PRICKLE2: variants seen among roughly 807,000 people sequenced by gnomAD.
PRICKLE2 encodes prickle planar cell polarity protein 2, also known as prickle-like protein 2.
In PRICKLE2, 21 loss-of-function variants were observed where a neutral mutation model predicts 81.4. The ratio of observed to expected loss-of-function variants is 0.26; its 90% confidence interval spans 0.18 to 0.37. PRICKLE2 has a LOEUF of 0.37. Among genes scored for constraint, PRICKLE2 ranks in the 10% least tolerant of loss-of-function variants. PRICKLE2 has a pLI of 1.00. For synonymous variants in PRICKLE2, 456 were observed against 421.5 expected, an observed-to-expected ratio of 1.08 and a Z score of -1.00; for missense variants, 940 against 1,109.0, an observed-to-expected ratio of 0.85 and a Z score of 2.16.
intron 1 of PRICKLE2, chr3:64,199,672 C>G (rs1361362280): frequency 2.0e-5 from 3 of 152,070 alleles, no homozygotes; most frequent in East Asian, 3.9e-4. Context: ...AAGGTAGCAG[C>G]CAAAGATAAA....
Position 64,147,765 on chromosome 3 carries a change from A to T in PRICKLE2, c.788-63T>A. 1.9e-6 allele frequency: 3 copies of T among 1,571,954 alleles called. No individual in the cohort carries two copies. Among genetic ancestry groups the T allele is most frequent in the Non-Finnish European group, 1.7e-6 (2 of 1,143,428 alleles). ...GCTCAGAGCTCTGCACTGGGACGTG[A>T]AACACATAGCACCTTGGTTTGTCTC... On this transcript the variant is annotated intron_variant, in intron 6 of 7. Coordinates refer to ENST00000638394, the MANE Select transcript of PRICKLE2 (RefSeq NM_198859.4). This position sits in a 1 kb window ranked among gnomAD's most constrained non-coding sequence, Gnocchi z 5.0.
intron 1 of PRICKLE2, among the ~76,000 whole-genome samples, chr3:64,218,770 G>T (rs78830800): frequency 0.033 from 5,001 of 152,252 alleles, 304 homozygotes; most frequent in African/African-American, 0.11. Context: ...TCTGAATTTA[G>T]TCAAATTTTC....
chr3:64,246,168 G>A (rs148746457), intron 2 of PRICKLE2, among the ~76,000 whole-genome samples: 2 of 152,242 alleles, frequency 1.3e-5, no homozygotes, highest in African/African-American at 4.8e-5. Flanking sequence ...CTTGAACCTG[G>A]GAGGCAGAGG....
At chr3:64,260,247 G>T (rs1479025675) in intron 2 of PRICKLE2, among the ~76,000 whole-genome samples, 1 of 152,080 alleles carries the variant, frequency 6.6e-6, no homozygotes, top group African/African-American at 2.4e-5. Context: ...CACACTGAAC[G>T]CACTAACGGG....
intron 7 of PRICKLE2, among the ~76,000 whole-genome samples, chr3:64,129,196 C>T (rs1467902931): frequency 6.6e-6 from 1 of 152,114 alleles, no homozygotes; most frequent in African/African-American, 2.4e-5. Flanking sequence ...AAATACAAGA[C>T]TCAAGTGTTG....
At chr3:64,265,704 C>T (rs2079693725) in intron 2 of PRICKLE2, among the ~76,000 whole-genome samples, 1 of 152,186 alleles carries the variant, frequency 6.6e-6, no homozygotes, top group African/African-American at 2.4e-5. Context: ...GCCTGCTCTG[C>T]AAACAGCTCC....
At chr3:64,103,252 T>C (rs2076697592) in intron 7 of PRICKLE2, 1 of 152,214 alleles carries the variant, frequency 6.6e-6, no homozygotes, top group Non-Finnish European at 1.5e-5. Context: ...AGGCCAGAGA[T>C]GTTGCTAAAC....
intron 2 of PRICKLE2, among the ~76,000 whole-genome samples, chr3:64,248,700 C>T (rs935468123): frequency 6.6e-6 from 1 of 151,824 alleles, no homozygotes; most frequent in Non-Finnish European, 1.5e-5. Flanking sequence ...CTCCCCATCC[C>T]ATTCCATACT....
intron 2 of PRICKLE2, among the ~76,000 whole-genome samples, chr3:64,195,755 C>T (rs1405336670): frequency 6.6e-6 from 1 of 152,146 alleles, no homozygotes; most frequent in African/African-American, 2.4e-5. Context: ...ATTTGAAGCC[C>T]ATTTCTTACA....
At chr3:64,154,813 C>T (rs2077603655) in intron 5 of PRICKLE2, 1 of 152,036 alleles carries the variant, frequency 6.6e-6, no homozygotes, top group Admixed American at 6.6e-5. Context: ...TGATGATGGA[C>T]TAGTATACAG....
At chr3:64,237,309 T>G (rs2079197058) in intron 2 of PRICKLE2, among the ~76,000 whole-genome samples, 1 of 152,112 alleles carries the variant, frequency 6.6e-6, no homozygotes, top group Non-Finnish European at 1.5e-5. Flanking sequence ...AGGAATCAGG[T>G]TGCACAAATG....
intron 2 of PRICKLE2, among the ~76,000 whole-genome samples, chr3:64,180,594 A>G (rs948533330): frequency 2.6e-5 from 4 of 151,734 alleles, no homozygotes; most frequent in Non-Finnish European, 5.9e-5. Flanking sequence ...GTGCAGTAGC[A>G]CTATCTCTGC....
chr3:64,153,138 C>T, intron 6 of PRICKLE2, 44 bp downstream of exon 6: 2 of 1,562,310 alleles, frequency 1.3e-6, no homozygotes, highest in Non-Finnish European at 1.8e-6. Flanking sequence ...ACAAAGGTGA[C>T]CGCATCACAG....
At chr3:64,179,599 T>C (rs1264860738) in intron 2 of PRICKLE2, among the ~76,000 whole-genome samples, 1 of 152,176 alleles carries the variant, frequency 6.6e-6, no homozygotes, top group Non-Finnish European at 1.5e-5. Context: ...CATGTATGCA[T>C]TAGGCAATTC....
At chr3:64,109,723 C>T (rs551372812) in intron 7 of PRICKLE2, among the ~76,000 whole-genome samples, 1 of 152,356 alleles carries the variant, frequency 6.6e-6, no homozygotes, top group Admixed American at 6.5e-5. Flanking sequence ...CAACCAGCTG[C>T]TTCCAAAGAG....
chr3:64,139,709 T>C (rs696011), intron 7 of PRICKLE2, among the ~76,000 whole-genome samples: 73,232 of 152,040 alleles, frequency 0.48, 17,837 homozygotes, highest in East Asian at 0.58. Flanking sequence ...TAAATGGCTC[T>C]GCACCATCTG....
At chr3:64,188,565 G>C (rs78839161) in intron 2 of PRICKLE2, among the ~76,000 whole-genome samples, 7 of 152,260 alleles carry the variant, frequency 4.6e-5, no homozygotes, top group East Asian at 1.9e-4. Context: ...TGAAAACCAC[G>C]GGACGAGGCA....
At chr3:64,254,014 TGGA>T in intron 2 of PRICKLE2, among the ~76,000 whole-genome samples, 1 of 152,320 alleles carries the variant, frequency 6.6e-6, no homozygotes, top group East Asian at 1.9e-4. Context: ...TTCAGATGGA[TGGA>T]GGTTTGTAAT....
intron 2 of PRICKLE2, among the ~76,000 whole-genome samples, chr3:64,186,044 C>T (rs2078224438): frequency 6.6e-6 from 1 of 152,092 alleles, no homozygotes; most frequent in Non-Finnish European, 1.5e-5. Flanking sequence ...TACTATTTTG[C>T]CTGGCTTCTT....
Sources: gnomAD v4.1 joint callset for allele counts (sites outside exome capture counted in the v4.1 genomes callset) on GRCh38, gnomAD v4.1.1 for gene constraint, Gnocchi (gnomAD v3.1) non-coding constraint, MANE v1.5 for transcripts, NCBI Gene and HGNC (gene_info 2026-07-23, HGNC 2026-07-21) for gene names.